ZNF385D: variants seen among roughly 807,000 people sequenced by gnomAD.
ZNF385D encodes zinc finger protein 385D, also known as zinc finger protein 659.
A neutral mutation model predicts 35.8 loss-of-function variants in ZNF385D; 15 were observed. The observed-to-expected ratio is 0.42, with a 90% CI of 0.28 to 0.64. The LOEUF (loss-of-function observed/expected upper bound fraction) is 0.64, where lower values mean the gene tolerates loss of function less well. Ranked by LOEUF, ZNF385D falls within the 30% of genes least tolerant of loss-of-function variation. ZNF385D has a pLI of 0.23. For missense variants in ZNF385D, 474 were observed against 494.6 expected (o/e 0.96, Z 0.39); for synonymous variants, 212 against 186.8 (o/e 1.13, Z -1.10).
chr3:21,560,990 C>CT (rs1035085396), intron 3 of ZNF385D, among the ~76,000 whole-genome samples: 1 of 152,142 alleles, frequency 6.6e-6, no homozygotes, highest in African/African-American at 2.4e-5. Flanking sequence ...GTGGACACCC[C>CT]TCCCCCAACC....
At chr3:22,254,292 ATTTG>A (rs986305237) in intron 2 of ZNF385D, among the ~76,000 whole-genome samples, 10 of 151,966 alleles carry the variant, frequency 6.6e-5, no homozygotes, top group East Asian at 1.9e-4. Flanking sequence ...GCAAGAGATA[ATTTG>A]TTTATTTTAC....
intron 3 of ZNF385D, among the ~76,000 whole-genome samples, chr3:21,970,230 C>A (rs970447989): frequency 6.6e-6 from 1 of 152,076 alleles, no homozygotes; most frequent in Non-Finnish European, 1.5e-5. Flanking sequence ...ACTAAATAGG[C>A]ATGAGTGACC....
At chr3:22,318,809 A>G (rs1386656223) in intron 2 of ZNF385D, among the ~76,000 whole-genome samples, 10 of 152,180 alleles carry the variant, frequency 6.6e-5, no homozygotes, top group Non-Finnish European at 1.5e-4. Flanking sequence ...GTACTGTGAA[A>G]AAAGACAATG....
At chr3:22,179,477 A>C (rs1395161527) in intron 2 of ZNF385D, among the ~76,000 whole-genome samples, 2 of 152,262 alleles carry the variant, frequency 1.3e-5, no homozygotes, top group South Asian at 4.1e-4. Flanking sequence ...CGGCTTAAGG[A>C]GATTTTGGGC....
chr3:22,060,270 CTTA>C (rs1367843570), intron 3 of ZNF385D, among the ~76,000 whole-genome samples: 1 of 152,152 alleles, frequency 6.6e-6, no homozygotes, highest in Non-Finnish European at 1.5e-5. Flanking sequence ...AAATCCTCCT[CTTA>C]TACTGTGTAT....
At chr3:22,326,854 TATTC>T (rs1253344550) in intron 2 of ZNF385D, among the ~76,000 whole-genome samples, 1 of 152,224 alleles carries the variant, frequency 6.6e-6, no homozygotes, top group African/African-American at 2.4e-5. Flanking sequence ...TTCTATTACT[TATTC>T]ACATTTATGT....
chr3:21,476,218 A>G (rs1475351813), intron 4 of ZNF385D, among the ~76,000 whole-genome samples: 5 of 152,118 alleles, frequency 3.3e-5, no homozygotes, highest in Non-Finnish European at 7.4e-5. Context: ...AATTAAATCC[A>G]CTTTATTGGT....
intron 3 of ZNF385D, among the ~76,000 whole-genome samples, chr3:21,950,815 A>G (rs1702028629): frequency 6.6e-6 from 1 of 151,614 alleles, no homozygotes; most frequent in African/African-American, 2.4e-5. Context: ...TCATTTCCCC[A>G]TTGCTTGTTT....
intron 2 of ZNF385D, among the ~76,000 whole-genome samples, chr3:21,651,872 A>C (rs2065923481): frequency 1.3e-5 from 2 of 152,204 alleles, no homozygotes; most frequent in Non-Finnish European, 2.9e-5. Context: ...AACTTCTTTT[A>C]AGAAAGTGTA....
intron 3 of ZNF385D, among the ~76,000 whole-genome samples, chr3:21,959,838 A>G (rs1440976279): frequency 6.6e-6 from 1 of 152,184 alleles, no homozygotes; most frequent in Non-Finnish European, 1.5e-5. Context: ...TTCTTTGTCT[A>G]ACTCAGTTCT....
chr3:22,321,843 G>A (rs13069974), intron 2 of ZNF385D, among the ~76,000 whole-genome samples: 83,766 of 151,792 alleles, frequency 0.55, 23,774 homozygotes, highest in African/African-American at 0.66. Context: ...GTGCTTTTCT[G>A]TTCTTTGAAT....
intron 2 of ZNF385D, among the ~76,000 whole-genome samples, chr3:22,190,317 T>A (rs1695929125): frequency 6.6e-6 from 1 of 152,218 alleles, no homozygotes; most frequent in African/African-American, 2.4e-5. Context: ...GTATTAATTT[T>A]ATTCCAACTG....
intron 5 of ZNF385D, 132 bp downstream of exon 5, chr3:21,436,838 T>A: frequency 1.1e-6 from 1 of 869,938 alleles, no homozygotes; most frequent in Admixed American, 3.0e-5. Context: ...TATTTTTTAA[T>A]GGTTAATGAT....
chr3:22,058,413 A>G (rs1237844481), intron 3 of ZNF385D, among the ~76,000 whole-genome samples: 1 of 152,178 alleles, frequency 6.6e-6, no homozygotes, highest in African/African-American at 2.4e-5. Flanking sequence ...AGGACTGGAG[A>G]ATATGGGTTT....
At chr3:22,264,263 A>G (rs1700783044) in intron 2 of ZNF385D, among the ~76,000 whole-genome samples, 3 of 152,042 alleles carry the variant, frequency 2.0e-5, no homozygotes, top group South Asian at 4.1e-4. Flanking sequence ...ATAAGAAAAA[A>G]CCAGCAGCTA....
chr3:21,648,063 A>T (rs1330136857), intron 2 of ZNF385D, among the ~76,000 whole-genome samples: 2 of 152,182 alleles, frequency 1.3e-5, no homozygotes, highest in Non-Finnish European at 2.9e-5. Context: ...GTGAGATTCC[A>T]GAAAGGCTTG....
chr3:22,334,663 C>T (rs950383351), intron 2 of ZNF385D, among the ~76,000 whole-genome samples: 1 of 152,122 alleles, frequency 6.6e-6, no homozygotes, highest in Admixed American at 6.6e-5. Context: ...TTGAAGACAT[C>T]AGTCCATTGT....
At chr3:21,869,283 C>T (rs2620533) in intron 3 of ZNF385D, among the ~76,000 whole-genome samples, 1 of 151,992 alleles carries the variant, frequency 6.6e-6, no homozygotes, top group African/African-American at 2.4e-5. Context: ...GGGATGGGAC[C>T]GAAAATCCTC....
intron 2 of ZNF385D, among the ~76,000 whole-genome samples, chr3:22,220,180 C>T (rs1265087919): frequency 6.6e-6 from 1 of 151,898 alleles, no homozygotes; most frequent in Non-Finnish European, 1.5e-5. Context: ...CCTCCCACCT[C>T]AGCCACCTGA....
Sources: gnomAD v4.1 joint callset for allele counts (sites outside exome capture counted in the v4.1 genomes callset) on GRCh38, gnomAD v4.1.1 for gene constraint, MANE v1.5 for transcripts, NCBI Gene and HGNC (gene_info 2026-07-23, HGNC 2026-07-21) for gene names.